CHL1: variants seen among roughly 807,000 people sequenced by gnomAD.
The protein encoded by CHL1 is cell adhesion molecule L1 like.
In CHL1, 96 loss-of-function variants were observed where a neutral mutation model predicts 141.9. The observed-to-expected ratio is 0.68, with a 90% CI of 0.57 to 0.80. CHL1 has a LOEUF of 0.80. Among genes scored for constraint, CHL1 ranks in the 30% least tolerant of loss-of-function variants. CHL1 has a pLI of 0.00. For synonymous variants in CHL1, 613 were observed against 502.2 expected (o/e 1.22, Z -2.95); for missense variants, 1,820 against 1,457.2 (o/e 1.25, Z -4.05).
rs879790982 is a variant in CHL1 at position 333,124 on chromosome 3, A to ATTTTTTTTTTTTTTTTTTTTTTTTTTTT, written c.385+4778_385+4779insTTTTTTTTTTTTTTTTTTTTTTTTTTTT. 8.9e-4 allele frequency among the ~76,000 whole-genome samples: 74 copies of ATTTTTTTTTTTTTTTTTTTTTTTTTTTT among 83,344 alleles called. 33 individuals are homozygous for ATTTTTTTTTTTTTTTTTTTTTTTTTTTT. Among genetic ancestry groups the ATTTTTTTTTTTTTTTTTTTTTTTTTTTT allele is most frequent in the Admixed American group, 1.3e-3 (7 of 5,288 alleles). 54.7% of individuals were successfully genotyped at this position (83,344 alleles called of 152,430 possible). On this transcript the variant is annotated intron_variant, in intron 5 of 27. Coordinates refer to ENST00000256509, the MANE Select transcript of CHL1 (RefSeq NM_006614.4). ...AGCTACGTTGTTGGATAATTGCTCT[A>ATTTTTTTTTTTTTTTTTTTTTTTTTTTT]TTTTTTTTATTTTTTTTTTTTGCTG...
chr3:356,295 T>C (rs1703711865), intron 11 of CHL1, among the ~76,000 whole-genome samples: 1 of 152,204 alleles, frequency 6.6e-6, no homozygotes. Context: ...AAATATTATA[T>C]TTGGATGGTA....
intron 1 of CHL1, among the ~76,000 whole-genome samples, chr3:207,792 G>A (rs1699567690): frequency 6.6e-6 from 1 of 152,136 alleles, no homozygotes; most frequent in African/African-American, 2.4e-5. Context: ...AAACTTCAAA[G>A]GGTTTCAACA....
chr3:279,613 C>G (rs1696456016), intron 2 of CHL1, among the ~76,000 whole-genome samples: 1 of 152,104 alleles, frequency 6.6e-6, no homozygotes, highest in Non-Finnish European at 1.5e-5. Flanking sequence ...ACTGAATCTC[C>G]TTTGAAAGTA....
At chr3:264,550 T>C (rs1695002752) in intron 2 of CHL1, among the ~76,000 whole-genome samples, 1 of 152,190 alleles carries the variant, frequency 6.6e-6, no homozygotes, top group Non-Finnish European at 1.5e-5. Context: ...GGTACAGATA[T>C]ATATTGTGGA....
At chr3:340,752 G>A in intron 5 of CHL1, 42 bp from the exon 6 acceptor site, 1 of 1,493,838 alleles carries the variant, frequency 6.7e-7, no homozygotes, top group Non-Finnish European at 9.2e-7. Flanking sequence ...TATAGTCAAA[G>A]TTAATTTTAA....
At position 341,985 on chromosome 3, in the gene CHL1, A is replaced by G. The variant is rs756588523; in HGVS notation, c.582A>G (p.Glu194=). 3.7e-6 allele frequency: 6 copies of G among 1,613,672 alleles called. No individual in the cohort carries two copies. The East Asian group carries it at 1.1e-4, about 30-fold the overall frequency. ...QKGDLYFANV[E]EKDSRNDYCC... is the part of the protein sequence containing the mutation. ...GAGATCTATACTTCGCAAACGTGGA[A>G]GAAAAGGACAGTCGCAATGACTACT... Residue 194 remains glutamate, a synonymous_variant, in exon 7 of 28, where the codon GAA becomes GAG. Coordinates refer to ENST00000256509, the MANE Select transcript of CHL1 (RefSeq NM_006614.4).
chr3:205,968 T>C (rs1490699646), intron 1 of CHL1, among the ~76,000 whole-genome samples: 1 of 152,206 alleles, frequency 6.6e-6, no homozygotes, highest in Non-Finnish European at 1.5e-5. Flanking sequence ...AAGTGTCTGA[T>C]TTCCAGCCCC....
intron 27 of CHL1, among the ~76,000 whole-genome samples, chr3:403,638 C>T (rs549156380): frequency 2.0e-5 from 3 of 152,078 alleles, no homozygotes; most frequent in Non-Finnish European, 4.4e-5. Context: ...AAAACAAAAA[C>T]AATGCCTTGT....
intron 27 of CHL1, among the ~76,000 whole-genome samples, chr3:404,686 T>G (rs1003064185): frequency 2.0e-5 from 3 of 152,184 alleles, no homozygotes; most frequent in Non-Finnish European, 2.9e-5. Flanking sequence ...GATTGATTTT[T>G]AAAAAAGAAC....
intron 8 of CHL1, 122 bp from the exon 9 acceptor site, chr3:344,467 A>ACG: frequency 5.0e-6 from 1 of 200,018 alleles, no homozygotes; most frequent in South Asian, 6.3e-5. Context: ...TGTGTATAGA[A>ACG]CACACACACA....
At chr3:344,734 G>A (rs746745834) in intron 9 of CHL1, 25 bp downstream of exon 9, 1 of 1,610,996 alleles carries the variant, frequency 6.2e-7, no homozygotes, top group East Asian at 2.2e-5. Context: ...TCTCACTCAT[G>A]ACTTTGTCCA....
chr3:379,525 T>A (rs1354646410), intron 16 of CHL1, among the ~76,000 whole-genome samples: 1 of 152,106 alleles, frequency 6.6e-6, no homozygotes, highest in East Asian at 1.9e-4. Context: ...GAGGGGTAAG[T>A]GTCAGGCTCC....
chr3:287,133 G>C (rs1456041886), intron 2 of CHL1, among the ~76,000 whole-genome samples: 1 of 151,894 alleles, frequency 6.6e-6, no homozygotes, highest in Non-Finnish European at 1.5e-5. Flanking sequence ...GAGTTGCTCT[G>C]GTTCAAACGC....
intron 16 of CHL1, among the ~76,000 whole-genome samples, chr3:378,871 T>C (rs1706679212): frequency 1.3e-5 from 2 of 152,174 alleles, no homozygotes; most frequent in African/African-American, 4.8e-5. Flanking sequence ...GCCCACATCT[T>C]TTTAAAGACG....
intron 11 of CHL1, among the ~76,000 whole-genome samples, chr3:359,778 G>C (rs192978726): frequency 2.6e-4 from 39 of 152,302 alleles, no homozygotes; most frequent in African/African-American, 8.9e-4. Flanking sequence ...AAATAGTGAA[G>C]CAAGGCAAAT....
At chr3:230,402 C>A (rs1233013210) in intron 1 of CHL1, among the ~76,000 whole-genome samples, 6 of 152,116 alleles carry the variant, frequency 3.9e-5, no homozygotes, top group Admixed American at 2.0e-4. Context: ...AAACCACCAG[C>A]TGATGACTTG....
intron 15 of CHL1, among the ~76,000 whole-genome samples, chr3:369,077 G>C (rs911285190): frequency 1.1e-4 from 16 of 152,052 alleles, no homozygotes; most frequent in African/African-American, 3.6e-4. Flanking sequence ...GTCTATATGG[G>C]GTCTTCTTTG....
At chr3:357,000 G>C (rs773403167) in intron 11 of CHL1, among the ~76,000 whole-genome samples, 7 of 152,230 alleles carry the variant, frequency 4.6e-5, no homozygotes, top group Non-Finnish European at 7.3e-5. Flanking sequence ...CATCTGAGAG[G>C]CTCTGCGCTC....
intron 12 of CHL1, among the ~76,000 whole-genome samples, 173 bp downstream of exon 12, chr3:360,597 T>TA (rs1197415470): frequency 2.3e-5 from 3 of 131,600 alleles, no homozygotes; most frequent in East Asian, 2.3e-4. Flanking sequence ...TTTCTTTTTT[T>TA]TTTTTATTAT....
Sources: allele counts gnomAD v4.1 joint callset (sites outside exome capture counted in the v4.1 genomes callset), GRCh38; gene constraint gnomAD v4.1.1; transcripts MANE v1.5; gene names NCBI Gene and HGNC (gene_info 2026-07-23, HGNC 2026-07-21).